The following SHOC1 variants were observed in gnomAD, a reference collection of about 807,000 sequenced individuals.
SHOC1 encodes shortage in chiasmata 1, also known as protein shortage in chiasmata 1 ortholog.
Under a neutral mutation model 179.2 loss-of-function variants are expected in SHOC1, and 136 were observed. That is an observed-to-expected ratio of 0.76 (90% CI 0.66 to 0.87). The LOEUF (loss-of-function observed/expected upper bound fraction) is 0.87. Among genes scored for constraint, SHOC1 ranks in the 40% least tolerant of loss-of-function variants. The pLI, the probability that SHOC1 is intolerant of heterozygous loss-of-function variation, is 0.00. For synonymous variants in SHOC1, 489 were observed against 586.6 expected (o/e 0.83, Z 2.41); for missense variants, 1,538 against 1,700.8 (o/e 0.90, Z 1.68).
At chr9:111,794,007 A>T (rs1048558641) in intron 1 of SHOC1, among the ~76,000 whole-genome samples, 17 of 151,810 alleles carry the variant, frequency 1.1e-4, no homozygotes, top group Non-Finnish European at 2.1e-4. Flanking sequence ...GGGTGCCACC[A>T]TGCCCGGCTA....
intron 20 of SHOC1, among the ~76,000 whole-genome samples, chr9:111,705,765 G>A (rs1225937595): frequency 6.6e-6 from 1 of 151,978 alleles, no homozygotes; most frequent in Middle Eastern, 3.2e-3. Context: ...AATATATACT[G>A]ATTTACATAA....
At chr9:111,777,770 C>T (rs16916376) in intron 4 of SHOC1, among the ~76,000 whole-genome samples, 5,269 of 152,180 alleles carry the variant, frequency 0.035, 319 homozygotes, top group African/African-American at 0.12. Context: ...TAATAATACC[C>T]TTGTACAGAC....
chr9:111,779,085 C>T (rs567482323), intron 4 of SHOC1, among the ~76,000 whole-genome samples: 9 of 124,348 alleles, frequency 7.2e-5, no homozygotes, highest in African/African-American at 2.8e-4. Context: ...GGCGACAGAG[C>T]GAGACTCTGT....
chr9:111,732,051 C>A (rs1482849887), intron 12 of SHOC1, among the ~76,000 whole-genome samples: 2 of 151,972 alleles, frequency 1.3e-5, no homozygotes, highest in African/African-American at 2.4e-5. Context: ...AGATGCCCAA[C>A]ATCATTAGTC....
intron 5 of SHOC1, among the ~76,000 whole-genome samples, chr9:111,768,201 T>A (rs1835426774): frequency 1.3e-5 from 2 of 151,936 alleles, no homozygotes; most frequent in South Asian, 4.1e-4. Flanking sequence ...TTGGTGTATA[T>A]AAATGCTACT....
At position 111,791,440 on chromosome 9, in the gene SHOC1, T is replaced by A. The variant is rs1240414629; in HGVS notation, c.-22A>T. The A allele has an allele frequency of 5.6e-6, 8 of 1,438,460 alleles. No individual in the cohort carries two copies. The highest frequency in any genetic ancestry group is 6.4e-6 in the Non-Finnish European group (7 of 1,085,902). 89.1% of individuals were successfully genotyped at this position (1,438,460 alleles called of 1,614,324 possible). ...ACATATCTTCTTTCTTTCAAAGCAGTGTAAATTTCAACATCTGGAAATACA... is the reference window on the plus strand; with the variant it reads ...ACATATCTTCTTTCTTTCAAAGCAGAGTAAATTTCAACATCTGGAAATACA... On this transcript the variant is annotated 5_prime_UTR_variant, in exon 2 of 28. Coordinates refer to ENST00000682961, the MANE Select transcript of SHOC1 (RefSeq NM_001378211.1).
In SHOC1 at chr9:111,686,596, C is replaced by A. The variant is rs1050019791; in HGVS notation, c.*174G>T. On this transcript the variant is annotated 3_prime_UTR_variant, in exon 28 of 28. Coordinates refer to ENST00000682961, the MANE Select transcript of SHOC1 (RefSeq NM_001378211.1). ...TTGATAAATTAGAATATTTAACTTA[C>A]AAAGATGCAAACCATAGGGCAGAAT... The A allele has an allele frequency of 2.1e-5, 10 of 483,180 alleles. No individual in the cohort carries two copies. The highest frequency in any genetic ancestry group is 1.8e-4 in the African/African-American group (9 of 49,856). 29.9% of individuals were successfully genotyped at this position (483,180 alleles called of 1,614,324 possible). A position where few individuals can be genotyped will look rare whatever the true frequency, so the allele number is the denominator to read the frequency against.
chr9:111,694,228 T>C lies in SHOC1; in HGVS notation c.3315+3A>G. On this transcript the variant is annotated splice_donor_region_variant and intron_variant, in intron 25 of 27. Coordinates refer to ENST00000682961, the MANE Select transcript of SHOC1 (RefSeq NM_001378211.1). ...ATCTATTTTACACATTTAGAAAATATACCTCAGATGGTGAAACTTTAAGCC... is the reference window on the plus strand; with the variant it reads ...ATCTATTTTACACATTTAGAAAATACACCTCAGATGGTGAAACTTTAAGCC... 6.3e-7 allele frequency: 1 copy of C among 1,598,154 alleles called. No homozygotes were observed. Among genetic ancestry groups the C allele is most frequent in the African/African-American group, 1.3e-5 (1 of 74,350 alleles).
chr9:111,774,973 C>T (rs1835772465), intron 5 of SHOC1, among the ~76,000 whole-genome samples: 1 of 151,922 alleles, frequency 6.6e-6, no homozygotes, highest in Non-Finnish European at 1.5e-5. Flanking sequence ...CATTTGGAAT[C>T]CAGTTTGAAT....
chr9:111,704,066 C>T, intron 21 of SHOC1, 74 bp from the exon 22 acceptor site: 1 of 677,466 alleles, frequency 1.5e-6, no homozygotes, highest in Non-Finnish European at 2.5e-6. Flanking sequence ...GTAGTTCCCT[C>T]CTGCATGTTA....
chr9:111,758,198 T>A lies in SHOC1; in HGVS notation c.597-3A>T. ...TTTCTTGAAGAGAGAAACATTCCCTTAAAAAAAAATACATTAATTAGTGTT... is the reference window on the plus strand; with the variant it reads ...TTTCTTGAAGAGAGAAACATTCCCTAAAAAAAAAATACATTAATTAGTGTT... On this transcript the variant is annotated splice_region_variant and splice_polypyrimidine_tract_variant and intron_variant, in intron 6 of 27. Transcript: ENST00000682961. 1 of 1,435,356 alleles carries A rather than the reference T, an allele frequency of 7.0e-7. No homozygotes were observed. Among genetic ancestry groups the A allele is most frequent in the Non-Finnish European group, 9.5e-7 (1 of 1,051,848 alleles). The allele number at this position is 1,435,356 out of a possible 1,614,324, so 88.9% of individuals were successfully genotyped here. A position where few individuals can be genotyped will look rare whatever the true frequency, so the allele number is the denominator to read the frequency against.
In SHOC1 at chr9:111,711,490, C is replaced by T. The variant is rs181958855; in HGVS notation, c.2488+1610G>A. On this transcript the variant is annotated intron_variant, in intron 18 of 27. Transcript: ENST00000682961. ...GGGGTCTATTAACAGGAACCCCTCT[C>T]GCTTTGCTGAGTTTTTTCTTTTTTA... 2.1e-3 allele frequency among the ~76,000 whole-genome samples: 315 copies of T among 152,218 alleles called. 1 individual carries two copies. The highest frequency in any genetic ancestry group is 5.2e-3 in the South Asian group (25 of 4,808).
At chr9:111,743,050 C>A (rs1351457193) in intron 10 of SHOC1, among the ~76,000 whole-genome samples, 1 of 152,092 alleles carries the variant, frequency 6.6e-6, no homozygotes, top group Non-Finnish European at 1.5e-5. Context: ...ACAGACTTTT[C>A]TTTTTTAGCC....
chr9:111,705,743 T>G (rs2131357446), intron 20 of SHOC1, among the ~76,000 whole-genome samples: 1 of 152,214 alleles, frequency 6.6e-6, no homozygotes, highest in Admixed American at 6.5e-5. Context: ...ATATTGGGCA[T>G]GTGCTGTATT....
intron 15 of SHOC1, among the ~76,000 whole-genome samples, chr9:111,721,249 T>G (rs1833033555): frequency 6.6e-6 from 1 of 152,216 alleles, no homozygotes; most frequent in South Asian, 2.1e-4. Flanking sequence ...TCCTGCCCTG[T>G]GTGAATGCAG....
intron 18 of SHOC1, among the ~76,000 whole-genome samples, chr9:111,711,623 A>G (rs1832554241): frequency 6.6e-6 from 1 of 152,218 alleles, no homozygotes; most frequent in Non-Finnish European, 1.5e-5. Context: ...AAGGAAACTG[A>G]GGAGGATACT....
chr9:111,711,859 G>A (rs1160431612), intron 18 of SHOC1, among the ~76,000 whole-genome samples: 6 of 152,126 alleles, frequency 3.9e-5, no homozygotes, highest in East Asian at 3.9e-4. Flanking sequence ...CTCCAATAGC[G>A]CTCAGCATCT....
intron 3 of SHOC1, among the ~76,000 whole-genome samples, chr9:111,781,425 T>C (rs1589475087): frequency 1.3e-5 from 2 of 152,152 alleles, no homozygotes; most frequent in South Asian, 2.1e-4. Context: ...TATACAGTCC[T>C]ATATTTAAAA....
intron 16 of SHOC1, among the ~76,000 whole-genome samples, chr9:111,715,700 C>T (rs1832754041): frequency 6.6e-6 from 1 of 152,112 alleles, no homozygotes; most frequent in East Asian, 1.9e-4. Flanking sequence ...TTCCTCTGGG[C>T]TCTTAATTCT....
Sources: gnomAD v4.1 joint callset for allele counts (sites outside exome capture counted in the v4.1 genomes callset) on GRCh38, gnomAD v4.1.1 for gene constraint, MANE v1.5 for transcripts, NCBI Gene and HGNC (gene_info 2026-07-23, HGNC 2026-07-21) for gene names.